Variants in RSRC1 observed in about 807,000 individuals in gnomAD.
RSRC1 encodes serine/Arginine-related protein 53.
A neutral mutation model predicts 49.1 loss-of-function variants in RSRC1; 39 were observed. The ratio of observed to expected loss-of-function variants is 0.79; its 90% CI spans 0.61 to 1.04. The LOEUF is 1.04. RSRC1 is among the 50% of genes least tolerant of loss of function. The probability of loss-of-function intolerance (pLI) is 0.00; values close to 1 mark genes in which losing one functional copy is unlikely to be tolerated. For synonymous variants in RSRC1, 143 were observed against 130.8 expected (o/e 1.09, Z -0.63); for missense variants, 388 against 402.4 (o/e 0.96, Z 0.31).
intron 3 of RSRC1, among the ~76,000 whole-genome samples, chr3:158,171,843 C>G (rs766699453): frequency 3.3e-5 from 5 of 151,842 alleles, no homozygotes; most frequent in Non-Finnish European, 5.9e-5. Context: ...CCTAGCTACC[C>G]AAGAGGCTGA....
intron 4 of RSRC1, among the ~76,000 whole-genome samples, chr3:158,227,140 C>T (rs953577502): frequency 6.6e-6 from 1 of 151,810 alleles, no homozygotes; most frequent in Non-Finnish European, 1.5e-5. Context: ...CCTCCTTTAA[C>T]CAATTTTCAA....
intron 4 of RSRC1, among the ~76,000 whole-genome samples, chr3:158,285,044 T>G (rs1266760128): frequency 1.3e-5 from 2 of 152,228 alleles, no homozygotes; most frequent in Non-Finnish European, 2.9e-5. Flanking sequence ...GTTTAAGTCT[T>G]TAATCCATCT....
At chr3:158,426,277 C>T (rs140995442) in intron 6 of RSRC1, among the ~76,000 whole-genome samples, 212 of 151,568 alleles carry the variant, frequency 1.4e-3, no homozygotes, top group Non-Finnish European at 1.8e-3. Context: ...AGATATAACA[C>T]ATACTGGGAG....
intron 4 of RSRC1, among the ~76,000 whole-genome samples, chr3:158,252,337 A>T (rs1559962448): frequency 6.7e-6 from 1 of 150,286 alleles, no homozygotes; most frequent in Non-Finnish European, 1.5e-5. Flanking sequence ...AATTTTTTGT[A>T]TTTTTTTTAA....
At chr3:158,176,591 A>C (rs1271074668) in intron 3 of RSRC1, among the ~76,000 whole-genome samples, 1 of 152,230 alleles carries the variant, frequency 6.6e-6, no homozygotes, top group Admixed American at 6.5e-5. Context: ...CTGGCTAGCC[A>C]TATGTAGAAA....
intron 3 of RSRC1, among the ~76,000 whole-genome samples, chr3:158,175,764 TG>T (rs1719169844): frequency 6.6e-6 from 1 of 152,356 alleles, no homozygotes; most frequent in African/African-American, 2.4e-5. Flanking sequence ...AACGTAGATT[TG>T]GTCTTTTTAC....
intron 6 of RSRC1, among the ~76,000 whole-genome samples, chr3:158,427,413 G>T (rs540350495): frequency 2.6e-5 from 4 of 151,884 alleles, no homozygotes; most frequent in Non-Finnish European, 4.4e-5. Flanking sequence ...CTTATTTGTA[G>T]GTGTGGCTTT....
chr3:158,438,648 C>T (rs1228024046), intron 6 of RSRC1, among the ~76,000 whole-genome samples: 1 of 152,062 alleles, frequency 6.6e-6, no homozygotes, highest in Non-Finnish European at 1.5e-5. Flanking sequence ...CACTTCCTTA[C>T]ACCATATACA....
At chr3:158,350,471 C>T (rs1730812496) in intron 5 of RSRC1, among the ~76,000 whole-genome samples, 1 of 152,068 alleles carries the variant, frequency 6.6e-6, no homozygotes, top group Admixed American at 6.5e-5. Flanking sequence ...CCATGCCCAG[C>T]GTAGAACTGT....
intron 7 of RSRC1, among the ~76,000 whole-genome samples, chr3:158,481,903 T>G (rs1044361228): frequency 6.6e-6 from 1 of 152,046 alleles, no homozygotes; most frequent in African/African-American, 2.4e-5. Flanking sequence ...CATTTCTGTA[T>G]GTAGACTTTG....
At chr3:158,474,923 C>CG (rs1553812860) in intron 7 of RSRC1, among the ~76,000 whole-genome samples, 1 of 151,818 alleles carries the variant, frequency 6.6e-6, no homozygotes, top group East Asian at 1.9e-4. Context: ...GGAGGGGAGA[C>CG]GGGGGTGGTT....
intron 4 of RSRC1, among the ~76,000 whole-genome samples, chr3:158,211,624 A>G (rs1721683121): frequency 6.6e-6 from 1 of 151,978 alleles, no homozygotes; most frequent in African/African-American, 2.4e-5. Context: ...AAGGTGCCCT[A>G]GACAATATAC....
chr3:158,378,298 T>G (rs1732487750), intron 6 of RSRC1, among the ~76,000 whole-genome samples: 1 of 152,238 alleles, frequency 6.6e-6, no homozygotes, highest in African/African-American at 2.4e-5. Flanking sequence ...AATAGCCATT[T>G]ACAAATCTTT....
chr3:158,250,776 A>G (rs1423903462), intron 4 of RSRC1, among the ~76,000 whole-genome samples: 3 of 152,094 alleles, frequency 2.0e-5, no homozygotes, highest in Admixed American at 6.6e-5. Context: ...TATTTTCCCA[A>G]TCTTTGGGAT....
chr3:158,127,408 AC>A (rs1559910616), intron 3 of RSRC1, among the ~76,000 whole-genome samples: 1 of 151,416 alleles, frequency 6.6e-6, no homozygotes, highest in African/African-American at 2.4e-5. Context: ...TTTTGAATTG[AC>A]CTTTCTTTGT....
chr3:158,295,790 C>CT (rs993469595), intron 4 of RSRC1, among the ~76,000 whole-genome samples: 4 of 152,002 alleles, frequency 2.6e-5, no homozygotes, highest in African/African-American at 9.7e-5. Flanking sequence ...CCTACATTGT[C>CT]TTTTTGTTTT....
chr3:158,417,761 T>A (rs1388200020), intron 6 of RSRC1, among the ~76,000 whole-genome samples: 1 of 150,590 alleles, frequency 6.6e-6, no homozygotes, highest in Middle Eastern at 3.2e-3. Flanking sequence ...TTTATTAATA[T>A]ATATCCTATA....
intron 4 of RSRC1, among the ~76,000 whole-genome samples, chr3:158,292,456 C>T (rs1001218845): frequency 6.6e-6 from 1 of 152,100 alleles, no homozygotes; most frequent in African/African-American, 2.4e-5. Flanking sequence ...TGTGTTAGTT[C>T]GATACAAATC....
chr3:158,376,843 A>G (rs1227788599), intron 6 of RSRC1, among the ~76,000 whole-genome samples: 2 of 124,480 alleles, frequency 1.6e-5, no homozygotes, highest in African/African-American at 6.5e-5. Context: ...ACTCTATATG[A>G]TTTCAATTCT....
Sources: gnomAD v4.1 joint callset for allele counts (sites outside exome capture counted in the v4.1 genomes callset) on GRCh38, gnomAD v4.1.1 for gene constraint, MANE v1.5 for transcripts, NCBI Gene and HGNC (gene_info 2026-07-23, HGNC 2026-07-21) for gene names.